WDR27: variants seen among roughly 807,000 people sequenced by gnomAD.
The protein encoded by WDR27 is WD repeat domain 27, also known as WD repeat-containing protein 27.
Under a neutral mutation model 114.4 loss-of-function variants are expected in WDR27, and 100 were observed. The ratio of observed to expected loss-of-function variants is 0.87; its 90% CI spans 0.74 to 1.03. The LOEUF is 1.03. Ranked by LOEUF, WDR27 falls within the 50% of genes least tolerant of loss-of-function variation. The pLI is 0.00. For missense variants in WDR27, 1,129 were observed against 1,092.9 expected, an observed-to-expected ratio of 1.03 and a Z score of -0.47; for synonymous variants, 449 against 423.1, an observed-to-expected ratio of 1.06 and a Z score of -0.75.
intron 25 of WDR27, among the ~76,000 whole-genome samples, chr6:169,498,727 T>G (rs1790714459): frequency 6.6e-6 from 1 of 152,182 alleles, no homozygotes; most frequent in Admixed American, 6.5e-5. Flanking sequence ...TAGCCCATAT[T>G]AAAAGGTTAC....
chr6:169,645,008 C>CAAAAAAAAAA (rs1194294838), intron 16 of WDR27, among the ~76,000 whole-genome samples: 1 of 8,152 alleles, frequency 1.2e-4, no homozygotes, highest in Non-Finnish European at 1.9e-4. Flanking sequence ...GACTCCGTCT[C>CAAAAAAAAAA]AAAAAAAAAA....
intron 25 of WDR27, among the ~76,000 whole-genome samples, chr6:169,515,810 A>T (rs1449178223): frequency 6.7e-6 from 1 of 149,872 alleles, no homozygotes; most frequent in East Asian, 1.9e-4. Context: ...AAAGGGATAA[A>T]TTTAAAATTT....
Position 169,659,605 on chromosome 6 carries a change from C to A in WDR27, c.1130-87G>T. ...GTCACTGCCCAGAGCCCACCACACA[C>A]AGCCCAGAGCCCACCACACACAGTC... On this transcript the variant is annotated intron_variant, in intron 10 of 25. Coordinates refer to ENST00000448612, the MANE Select transcript of WDR27 (RefSeq NM_182552.5). This position sits in a 1 kb window ranked among gnomAD's most constrained non-coding sequence, Gnocchi z 4.3. 1 of 1,267,438 alleles carries A rather than the reference C, an allele frequency of 7.9e-7. No homozygotes were observed. Among genetic ancestry groups the A allele is most frequent in the Non-Finnish European group, 1.1e-6 (1 of 895,460 alleles). 78.5% of individuals were successfully genotyped at this position (1,267,438 alleles called of 1,614,324 possible). A position where few individuals can be genotyped will look rare whatever the true frequency, so the allele number is the denominator to read the frequency against.
intron 1 of WDR27, among the ~76,000 whole-genome samples, chr6:169,697,462 ACT>A (rs964453502): frequency 6.6e-6 from 1 of 151,570 alleles, no homozygotes; most frequent in Non-Finnish European, 1.5e-5. Context: ...TTTAGAGAAG[ACT>A]CTACTCCTCT....
chr6:169,650,630 C>T (rs749099157), intron 14 of WDR27, among the ~76,000 whole-genome samples: 62 of 148,796 alleles, frequency 4.2e-4, no homozygotes, highest in South Asian at 2.9e-3. Context: ...CCCACTCATC[C>T]ATCTCTTATC....
chr6:169,512,597 T>C (rs778479444), intron 25 of WDR27, among the ~76,000 whole-genome samples: 1 of 152,218 alleles, frequency 6.6e-6, no homozygotes, highest in Non-Finnish European at 1.5e-5. Flanking sequence ...AAGTCAATCC[T>C]ACTGGCTTTC....
intron 19 of WDR27, among the ~76,000 whole-genome samples, chr6:169,635,398 G>A (rs1378208861): frequency 6.6e-6 from 1 of 152,254 alleles, no homozygotes; most frequent in African/African-American, 2.4e-5. Context: ...ACAAACTTTA[G>A]GACTGAAAGT....
chr6:169,682,573 A>C (rs914192874), intron 2 of WDR27, among the ~76,000 whole-genome samples: 1 of 152,236 alleles, frequency 6.6e-6, no homozygotes, highest in Non-Finnish European at 1.5e-5. Context: ...GTCTATGTAG[A>C]ATCCCTGGAA....
At chr6:169,476,018 T>C (rs573920441) in intron 25 of WDR27, among the ~76,000 whole-genome samples, 48 of 152,306 alleles carry the variant, frequency 3.2e-4, no homozygotes, top group Non-Finnish European at 3.5e-4. Context: ...TGGAATTATA[T>C]GGAATGTTAC....
chr6:169,567,176 G>A (rs1459064270), intron 25 of WDR27, among the ~76,000 whole-genome samples: 1 of 152,182 alleles, frequency 6.6e-6, no homozygotes, highest in Admixed American at 6.5e-5. Context: ...GTGCTGCTGG[G>A]GAGGACCCGG....
rs778546983 is a variant in WDR27 at position 169,652,003 on chromosome 6, G to A, written c.1408C>T (p.Arg470Trp). ...AGGCGTTGGTCCTTCATGACGTTCC[G>A]TGCAGCTGTGGAAAGGCAATTTTAA... ...KAASEQRRAA[R>W]NVMKDQRLVF... Residue 470 changes from arginine to tryptophan, a missense_variant, in exon 14 of 26, where the codon CGG (arginine) becomes TGG (tryptophan). Transcript: ENST00000448612. The A allele has an allele frequency of 1.1e-5, 17 of 1,613,430 alleles. No individual in the cohort carries two copies. Among genetic ancestry groups the A allele is most frequent in the Middle Eastern group, 1.6e-4 (1 of 6,082 alleles).
chr6:169,430,197 CTT>C, the WDR27 span, among the ~76,000 whole-genome samples: 1 of 152,186 alleles, frequency 6.6e-6, no homozygotes, highest in Non-Finnish European at 1.5e-5. Flanking sequence ...GCAAGGGAAA[CTT>C]TGGTTCAGAC....
intron 1 of WDR27, among the ~76,000 whole-genome samples, chr6:169,696,572 C>G (rs995515683): frequency 3.3e-5 from 5 of 152,190 alleles, no homozygotes; most frequent in Admixed American, 2.6e-4. Context: ...ATCCGAAGAC[C>G]TGAAGACCTC....
chr6:169,623,200 C>T (rs907226253), intron 21 of WDR27, among the ~76,000 whole-genome samples: 3 of 152,078 alleles, frequency 2.0e-5, no homozygotes, highest in African/African-American at 7.2e-5. Flanking sequence ...GTCGTGCGGC[C>T]CCCACCCAGG....
At chr6:169,555,713 T>C (rs1349277822) in intron 25 of WDR27, among the ~76,000 whole-genome samples, 1 of 152,158 alleles carries the variant, frequency 6.6e-6, no homozygotes, top group East Asian at 1.9e-4. Flanking sequence ...AATAATTTTC[T>C]TCACTAGGCA....
At chr6:169,442,826 G>T in the WDR27 span, among the ~76,000 whole-genome samples, 5 of 152,258 alleles carry the variant, frequency 3.3e-5, no homozygotes, top group African/African-American at 1.2e-4. Flanking sequence ...GCCTGTACCT[G>T]AGCCCACACC....
At chr6:169,474,885 T>C (rs572587006) in intron 25 of WDR27, among the ~76,000 whole-genome samples, 1 of 152,220 alleles carries the variant, frequency 6.6e-6, no homozygotes, top group Non-Finnish European at 1.5e-5. Flanking sequence ...CTATACCACA[T>C]GGCAGTCAGC....
chr6:169,501,063 G>C (rs1322264857), intron 25 of WDR27, among the ~76,000 whole-genome samples: 1 of 152,210 alleles, frequency 6.6e-6, no homozygotes, highest in Non-Finnish European at 1.5e-5. Flanking sequence ...CTCCGTGTGA[G>C]ATCTGAAGGC....
At chr6:169,585,499 G>A (rs1425877496) in intron 23 of WDR27, among the ~76,000 whole-genome samples, 1 of 152,106 alleles carries the variant, frequency 6.6e-6, no homozygotes, top group Non-Finnish European at 1.5e-5. Context: ...GGCCCTCCAA[G>A]CAGTCAAAAA....
Sources: allele counts gnomAD v4.1 joint callset (sites outside exome capture counted in the v4.1 genomes callset), GRCh38; gene constraint gnomAD v4.1.1; non-coding constraint Gnocchi (gnomAD v3.1); transcripts MANE v1.5; gene names NCBI Gene and HGNC (gene_info 2026-07-23, HGNC 2026-07-21).